GNB4: variants seen among roughly 807,000 people sequenced by gnomAD.
The protein encoded by GNB4 is guanine nucleotide-binding protein subunit beta-4.
GNB4 carries 28 observed loss-of-function variants against 45.2 expected under a neutral mutation model. The ratio of observed to expected loss-of-function variants is 0.62; its 90% CI spans 0.46 to 0.85. GNB4 has a LOEUF of 0.85. Among genes scored for constraint, GNB4 ranks in the 40% least tolerant of loss-of-function variants. The pLI is 0.00. For synonymous variants in GNB4, 132 were observed against 143.7 expected, an observed-to-expected ratio of 0.92 and a Z score of 0.58; for missense variants, 321 against 425.4, an observed-to-expected ratio of 0.75 and a Z score of 2.16.
chr3:179,440,293 G>T (rs2108616998), intron 1 of GNB4, among the ~76,000 whole-genome samples: 1 of 152,258 alleles, frequency 6.6e-6, no homozygotes, highest in South Asian at 2.1e-4. Flanking sequence ...AGGAAGGACA[G>T]GCTTAGTTAG....
At chr3:179,524,818 G>A in the GNB4 span, among the ~76,000 whole-genome samples, 1 of 152,158 alleles carries the variant, frequency 6.6e-6, no homozygotes, top group African/African-American at 2.4e-5. Flanking sequence ...CCTTGACTAT[G>A]CCTACAGCTC....
rs1491589202 is a variant in GNB4, at chr3:179,413,169, CTG to C, written c.699+241_699+242del. ...CTCCAGCCTGGACGACAGAGCAAGA[CTG>C]TCTCAAAAAAACAAAAAAATAACAA... is the stretch of plus-strand genomic sequence containing the variant. On this transcript the variant is annotated intron_variant, in intron 8 of 9. Transcript: ENST00000232564. Among the ~76,000 whole-genome samples the C allele has an allele frequency of 2.0e-5, 3 of 151,878 alleles. No individual in the cohort carries two copies. The East Asian group carries it at 5.8e-4, about 29-fold the overall frequency.
In GNB4 at chr3:179,436,541, C is replaced by T. The variant is rs1387822151; in HGVS notation, c.-42-10299G>A. 4.6e-5 allele frequency among the ~76,000 whole-genome samples: 7 copies of T among 152,132 alleles called. No individual in the cohort carries two copies. The South Asian group carries it at 1.2e-3, about 27-fold the overall frequency. On this transcript the variant is annotated intron_variant, in intron 1 of 9. Transcript: ENST00000232564. ...GCAATACAAATTTATATTTCTTACA[C>T]TCCATAATTTTTAACAACCATAATG...
At chr3:179,520,836 G>A in the GNB4 span, among the ~76,000 whole-genome samples, 4 of 152,200 alleles carry the variant, frequency 2.6e-5, no homozygotes, top group East Asian at 7.7e-4. Flanking sequence ...ATCACACTTG[G>A]TTTATTGATG....
At chr3:179,469,440 A>C in the GNB4 span, among the ~76,000 whole-genome samples, 1 of 152,206 alleles carries the variant, frequency 6.6e-6, no homozygotes, top group Admixed American at 6.5e-5. Context: ...TAATTGAACA[A>C]AAATAGGAGG....
At chr3:179,402,522 C>A (rs1245085893) in intron 9 of GNB4, among the ~76,000 whole-genome samples, 3 of 152,172 alleles carry the variant, frequency 2.0e-5, no homozygotes. Flanking sequence ...AAAAAACTTA[C>A]ACTGCCTCTG....
At chr3:179,458,863 A>G in the GNB4 span, among the ~76,000 whole-genome samples, 1 of 152,220 alleles carries the variant, frequency 6.6e-6, no homozygotes, top group Non-Finnish European at 1.5e-5. Context: ...AGATATCAAA[A>G]CTCATCTAGG....
chr3:179,463,547 C>A, the GNB4 span, among the ~76,000 whole-genome samples: 3 of 152,074 alleles, frequency 2.0e-5, no homozygotes, highest in African/African-American at 7.2e-5. Flanking sequence ...TTTTATTCAC[C>A]CCACAGATGA....
the GNB4 span, among the ~76,000 whole-genome samples, chr3:179,490,733 G>A: frequency 1.7e-3 from 259 of 152,192 alleles, 1 homozygote; most frequent in African/African-American, 5.8e-3. Context: ...CTAAGCCCCC[G>A]GCCAATTGCA....
At chr3:179,469,780 T>C in the GNB4 span, among the ~76,000 whole-genome samples, 91,120 of 152,022 alleles carry the variant, frequency 0.6, 27,760 homozygotes, top group East Asian at 0.93. Context: ...CTCTAGCACC[T>C]AGTAATACAG....
chr3:179,427,605 TAAAAAAA>T (rs67400722), intron 1 of GNB4, among the ~76,000 whole-genome samples: 4 of 129,698 alleles, frequency 3.1e-5, no homozygotes, highest in Admixed American at 8.0e-5. Flanking sequence ...ACTCTGGCTT[TAAAAAAA>T]AAAAAAAAAA....
At chr3:179,416,912 CA>C (rs1172165464) in intron 4 of GNB4, among the ~76,000 whole-genome samples, 4 of 152,114 alleles carry the variant, frequency 2.6e-5, no homozygotes, top group African/African-American at 9.7e-5. Flanking sequence ...GCCTAACAAC[CA>C]TATTTCATCC....
At chr3:179,513,833 T>C in the GNB4 span, among the ~76,000 whole-genome samples, 1 of 152,182 alleles carries the variant, frequency 6.6e-6, no homozygotes, top group Non-Finnish European at 1.5e-5. Context: ...AAAATTAAAA[T>C]AATTCAGAAA....
At chr3:179,466,121 G>C in the GNB4 span, among the ~76,000 whole-genome samples, 1 of 146,640 alleles carries the variant, frequency 6.8e-6, no homozygotes, top group Non-Finnish European at 1.5e-5. Flanking sequence ...AACAATTCTT[G>C]TGCCTCAGCC....
At chr3:179,517,805 G>A in the GNB4 span, among the ~76,000 whole-genome samples, 7 of 152,276 alleles carry the variant, frequency 4.6e-5, 1 homozygote, top group African/African-American at 1.2e-4. Flanking sequence ...CTCTGGCACC[G>A]GTAACGGACT....
intron 1 of GNB4, among the ~76,000 whole-genome samples, chr3:179,429,615 C>G (rs967578789): frequency 6.6e-6 from 1 of 152,188 alleles, no homozygotes; most frequent in Non-Finnish European, 1.5e-5. Flanking sequence ...GAACTTCAAG[C>G]CTTTTCACAG....
chr3:179,485,140 C>T, the GNB4 span, among the ~76,000 whole-genome samples: 15 of 151,244 alleles, frequency 9.9e-5, no homozygotes, highest in African/African-American at 3.6e-4. Context: ...CCTCCCAAGT[C>T]GCTGGGACTA....
At chr3:179,469,321 A>T in the GNB4 span, among the ~76,000 whole-genome samples, 3 of 152,234 alleles carry the variant, frequency 2.0e-5, no homozygotes, top group African/African-American at 7.2e-5. Context: ...TTTTTGGGTT[A>T]TACCTTAAAT....
chr3:179,405,547 A>T, intron 8 of GNB4, 141 bp from the exon 9 acceptor site: 1 of 593,750 alleles, frequency 1.7e-6, no homozygotes, highest in Non-Finnish European at 2.9e-6. Context: ...AGATTCTTAA[A>T]TATTTTGAGC....
Sources: gnomAD v4.1 joint callset for allele counts (sites outside exome capture counted in the v4.1 genomes callset) on GRCh38, gnomAD v4.1.1 for gene constraint, MANE v1.5 for transcripts, NCBI Gene and HGNC (gene_info 2026-07-23, HGNC 2026-07-21) for gene names.